The following CAMK2A variants were observed in gnomAD, a reference collection of about 807,000 sequenced individuals.
CAMK2A encodes the protein calcium/calmodulin dependent protein kinase II alpha, also known as calcium/calmodulin-dependent protein kinase type II subunit alpha.
CAMK2A carries 7 observed loss-of-function variants against 79.2 expected under a neutral mutation model. The ratio of observed to expected loss-of-function variants is 0.09; its 90% CI spans 0.05 to 0.17. The LOEUF (loss-of-function observed/expected upper bound fraction) is 0.17. Ranked by LOEUF, CAMK2A falls within the 10% of genes least tolerant of loss-of-function variation. The pLI, the probability that CAMK2A is intolerant of heterozygous loss-of-function variation, is 1.00. For synonymous variants in CAMK2A, 242 were observed against 251.7 expected (o/e 0.96, Z 0.36); for missense variants, 214 against 646.4 (o/e 0.33, Z 7.25).
intron 17 of CAMK2A, among the ~76,000 whole-genome samples, chr5:150,226,211 G>T (rs1051877159): frequency 1.3e-5 from 2 of 152,172 alleles, no homozygotes; most frequent in South Asian, 2.1e-4. Flanking sequence ...TCCCAGTGGG[G>T]TTTGCTAATG....
At chr5:150,262,778 A>G (rs1756352555) in intron 3 of CAMK2A, among the ~76,000 whole-genome samples, 1 of 152,034 alleles carries the variant, frequency 6.6e-6, no homozygotes, top group South Asian at 2.1e-4. Context: ...GATTATCCCC[A>G]CTTCATAGAG....
At chr5:150,247,898 G>A in intron 11 of CAMK2A, 84 bp from the exon 12 acceptor site, 2 of 1,106,418 alleles carry the variant, frequency 1.8e-6, no homozygotes, top group Admixed American at 1.9e-5. Context: ...AGGGCCACGG[G>A]GAAGGAGAGG....
intron 18 of CAMK2A, 112 bp downstream of exon 18, chr5:150,222,877 C>A: frequency 3.6e-6 from 5 of 1,388,394 alleles, no homozygotes; most frequent in Non-Finnish European, 5.1e-6. Context: ...CTCCCCACCC[C>A]ACTCTGCAGC....
intron 16 of CAMK2A, among the ~76,000 whole-genome samples, chr5:150,229,949 C>T (rs1160756937): frequency 2.6e-5 from 4 of 152,190 alleles, no homozygotes; most frequent in African/African-American, 9.7e-5. Context: ...GCCCCTTGTT[C>T]TTCCAGAGGG....
At chr5:150,242,272 A>G (rs1755380282) in intron 13 of CAMK2A, among the ~76,000 whole-genome samples, 1 of 152,246 alleles carries the variant, frequency 6.6e-6, no homozygotes, top group South Asian at 2.1e-4. Flanking sequence ...CACTGAAAGT[A>G]GAAATCTCCC....
At chr5:150,251,210 C>A (rs145254671) in intron 9 of CAMK2A, among the ~76,000 whole-genome samples, 1 of 152,314 alleles carries the variant, frequency 6.6e-6, no homozygotes, top group South Asian at 2.1e-4. Flanking sequence ...ATAAAACATA[C>A]GGCACAGAGC....
chr5:150,265,204 C>T, intron 2 of CAMK2A, 189 bp from the exon 3 acceptor site: 2 of 591,470 alleles, frequency 3.4e-6, no homozygotes, highest in Non-Finnish European at 6.2e-6. Flanking sequence ...GAGGAAGAGG[C>T]CTGGGTTGCA....
chr5:150,247,909 C>T lies in CAMK2A; in HGVS notation c.901-95G>A, dbSNP rs1213678527. On this transcript the variant is annotated intron_variant, in intron 11 of 18. Coordinates refer to ENST00000671881, the MANE Select transcript of CAMK2A (RefSeq NM_015981.4). ...CGGGAGGGCCACGGGGAAGGAGAGG[C>T]AGGTGCTGCATTCAGAGAAGAAGCC... 4.0e-6 allele frequency: 4 copies of T among 992,800 alleles called. No homozygotes were observed. The African/African-American group carries it at 4.8e-5, about 12-fold the overall frequency. 61.5% of individuals were successfully genotyped at this position (992,800 alleles called of 1,614,324 possible). A position where few individuals can be genotyped will look rare whatever the true frequency, so the allele number is the denominator to read the frequency against.
chr5:150,260,983 A>C (rs1756283038), intron 3 of CAMK2A, among the ~76,000 whole-genome samples: 1 of 152,188 alleles, frequency 6.6e-6, no homozygotes, highest in African/African-American at 2.4e-5. Flanking sequence ...TCATCTCAGA[A>C]AGGGCTTTTA....
At chr5:150,225,536 A>G (rs1402501835) in intron 17 of CAMK2A, among the ~76,000 whole-genome samples, 1 of 152,102 alleles carries the variant, frequency 6.6e-6, no homozygotes, top group Non-Finnish European at 1.5e-5. Context: ...CTCTGTGATT[A>G]TTTCAATTTT....
chr5:150,265,041 C>G (rs751890739), intron 2 of CAMK2A, 26 bp from the exon 3 acceptor site: 1 of 1,571,050 alleles, frequency 6.4e-7, no homozygotes, highest in East Asian at 2.2e-5. Context: ...TCATGTGAGT[C>G]CCCGGTGAGG....
rs201382825 is a variant in CAMK2A at position 150,253,432 on chromosome 5, C to T, written c.514+12G>A. ...CTGACCCCCAACACTTCTGCCAGCC[C>T]ACCCCACTTACCAAACCATGCCTGC... is the stretch of plus-strand genomic sequence containing the variant. On this transcript the variant is annotated intron_variant, in intron 7 of 18. Coordinates refer to ENST00000671881, the MANE Select transcript of CAMK2A (RefSeq NM_015981.4). The T allele has an allele frequency of 3.1e-6, 5 of 1,605,006 alleles. No individual in the cohort carries two copies. The Admixed American group carries it at 5.0e-5, about 16-fold the overall frequency.
chr5:150,264,925 C>G (rs1756447425), intron 3 of CAMK2A, 31 bp downstream of exon 3: 1 of 1,600,078 alleles, frequency 6.2e-7, no homozygotes, highest in South Asian at 1.1e-5. Context: ...GGCCTGGCTC[C>G]CCTGCGCCCC....
At chr5:150,248,748 G>T (rs1178374977) in intron 11 of CAMK2A, among the ~76,000 whole-genome samples, 2 of 151,966 alleles carry the variant, frequency 1.3e-5, no homozygotes, top group African/African-American at 2.4e-5. Context: ...TTGGACATTT[G>T]GGTTGGTTCC....
intron 15 of CAMK2A, among the ~76,000 whole-genome samples, chr5:150,232,060 C>T (rs894540484): frequency 5.9e-5 from 9 of 152,206 alleles, no homozygotes; most frequent in East Asian, 1.9e-4. Context: ...GTTAGATGGC[C>T]GTCTTATTAG....
intron 2 of CAMK2A, among the ~76,000 whole-genome samples, chr5:150,270,415 C>G (rs138650549): frequency 1.6e-3 from 239 of 152,306 alleles, no homozygotes; most frequent in Non-Finnish European, 2.3e-3. Context: ...AATACATACA[C>G]AAATATATCG....
Position 150,267,023 on chromosome 5 carries a change from C to A in CAMK2A, c.158-2008G>T, listed in dbSNP as rs115999815. ...AAAGGTGGCTTTTCCACCAGCAAAGCAATTAAGTCCAATTCAGTTTCCATG... is the reference window on the plus strand; with the variant it reads ...AAAGGTGGCTTTTCCACCAGCAAAGAAATTAAGTCCAATTCAGTTTCCATG... On this transcript the variant is annotated intron_variant, in intron 2 of 18. Coordinates refer to ENST00000671881, the MANE Select transcript of CAMK2A (RefSeq NM_015981.4). Among the ~76,000 whole-genome samples, 679 of 152,320 alleles carry A rather than the reference C, an allele frequency of 4.5e-3. 4 individuals are homozygous for A. The highest frequency in any genetic ancestry group is 0.028 in the South Asian group (136 of 4,834).
chr5:150,281,708 G>A (rs1757223850), intron 1 of CAMK2A, among the ~76,000 whole-genome samples: 1 of 152,234 alleles, frequency 6.6e-6, no homozygotes. Flanking sequence ...GTGTTGCAGT[G>A]AGTGTGCATT....
intron 13 of CAMK2A, among the ~76,000 whole-genome samples, chr5:150,243,379 G>C (rs773222578): frequency 1.3e-5 from 2 of 152,128 alleles, no homozygotes; most frequent in Non-Finnish European, 2.9e-5. Context: ...CTCCACACAG[G>C]GGTCAGAGAG....
Sources: gnomAD v4.1 joint callset for allele counts (sites outside exome capture counted in the v4.1 genomes callset) on GRCh38, gnomAD v4.1.1 for gene constraint, MANE v1.5 for transcripts, NCBI Gene and HGNC (gene_info 2026-07-23, HGNC 2026-07-21) for gene names.